FRAS1: variants seen among roughly 807,000 people sequenced by gnomAD.
The protein encoded by FRAS1 is extracellular matrix organizing protein FRAS1.
In FRAS1, 290 loss-of-function variants were observed where a neutral mutation model predicts 435.2. The observed-to-expected ratio is 0.67, with a 90% CI of 0.61 to 0.73. FRAS1 has a LOEUF of 0.73. Ranked by LOEUF, FRAS1 falls within the 30% of genes least tolerant of loss-of-function variation. FRAS1 has a pLI of 0.00. For synonymous variants in FRAS1, 1,800 were observed against 1,851.0 expected, an observed-to-expected ratio of 0.97 and a Z score of 0.71; for missense variants, 4,860 against 5,001.5, an observed-to-expected ratio of 0.97 and a Z score of 0.85.
At chr4:78,498,102 G>T (rs1028508731) in intron 60 of FRAS1, among the ~76,000 whole-genome samples, 1 of 152,214 alleles carries the variant, frequency 6.6e-6, no homozygotes, top group Non-Finnish European at 1.5e-5. Context: ...AGGGACGGGG[G>T]CCTGGGGAAG....
intron 14 of FRAS1, among the ~76,000 whole-genome samples, chr4:78,298,239 G>A (rs77314452): frequency 0.014 from 2,043 of 148,744 alleles, 52 homozygotes; most frequent in African/African-American, 0.047. Flanking sequence ...AAACATAAAT[G>A]TATATTATTA....
chr4:78,471,305 G>A (rs1356784469), intron 51 of FRAS1, among the ~76,000 whole-genome samples: 1 of 152,076 alleles, frequency 6.6e-6, no homozygotes, highest in African/African-American at 2.4e-5. Context: ...TCTCCATGGA[G>A]CTAATTAGTT....
chr4:78,282,993 A>C, intron 12 of FRAS1, 26 bp downstream of exon 12: 1 of 1,413,724 alleles, frequency 7.1e-7, no homozygotes, highest in African/African-American at 1.5e-5. Context: ...CTCTGTTTCT[A>C]CTGAGATAGT....
chr4:78,316,913 CCA>C (rs1332898196), intron 16 of FRAS1, among the ~76,000 whole-genome samples: 1 of 152,082 alleles, frequency 6.6e-6, no homozygotes, highest in Non-Finnish European at 1.5e-5. Flanking sequence ...ACACTCTGAC[CCA>C]TGGCCTTTCC....
intron 1 of FRAS1, among the ~76,000 whole-genome samples, chr4:78,058,411 G>A (rs1201503509): frequency 6.6e-6 from 1 of 152,080 alleles, no homozygotes; most frequent in Non-Finnish European, 1.5e-5. Flanking sequence ...TCCCCGAAGG[G>A]AAAGCAACTG....
chr4:78,428,960 G>GT, intron 35 of FRAS1, 135 bp from the exon 36 acceptor site: 1 of 780,940 alleles, frequency 1.3e-6, no homozygotes, highest in African/African-American at 1.7e-5. Context: ...TTAAAGTAGT[G>GT]CAAAAAAGTT....
chr4:78,248,531 G>C (rs12511360), intron 4 of FRAS1, among the ~76,000 whole-genome samples: 44,144 of 152,022 alleles, frequency 0.29, 7,028 homozygotes, highest in East Asian at 0.38. Flanking sequence ...GAAGGGACAG[G>C]CCTGCTCACT....
chr4:78,088,665 A>G (rs1560514703), intron 2 of FRAS1, among the ~76,000 whole-genome samples: 1 of 152,126 alleles, frequency 6.6e-6, no homozygotes, highest in Non-Finnish European at 1.5e-5. Flanking sequence ...GCAGCCAAAA[A>G]ACACATGAAA....
At chr4:78,302,384 C>T (rs1282527148) in intron 14 of FRAS1, among the ~76,000 whole-genome samples, 2 of 151,066 alleles carry the variant, frequency 1.3e-5, no homozygotes, top group African/African-American at 4.9e-5. Context: ...AATGGGATGG[C>T]TGGGTCAAAT....
intron 2 of FRAS1, among the ~76,000 whole-genome samples, chr4:78,066,643 G>A (rs1502881): frequency 0.25 from 37,530 of 152,024 alleles, 5,010 homozygotes; most frequent in East Asian, 0.35. Context: ...TGAAAAGACT[G>A]TCTACACTCC....
intron 2 of FRAS1, among the ~76,000 whole-genome samples, chr4:78,101,632 T>A (rs569906743): frequency 2.0e-5 from 3 of 152,330 alleles, no homozygotes; most frequent in South Asian, 2.1e-4. Flanking sequence ...CTCAAGGAAC[T>A]GAGAATTTCC....
chr4:78,508,069 A>G (rs146854739), intron 62 of FRAS1, among the ~76,000 whole-genome samples: 1 of 152,322 alleles, frequency 6.6e-6, no homozygotes, highest in African/African-American at 2.4e-5. Context: ...CCTCATATCT[A>G]TCATCCCACA....
intron 29 of FRAS1, among the ~76,000 whole-genome samples, chr4:78,394,052 A>G (rs1023795506): frequency 6.6e-6 from 1 of 151,682 alleles, no homozygotes; most frequent in African/African-American, 2.4e-5. Context: ...CCCCATTTTT[A>G]AATTATTTGA....
At chr4:78,477,712 T>C in intron 54 of FRAS1, 103 bp from the exon 55 acceptor site, 1 of 1,418,414 alleles carries the variant, frequency 7.1e-7, no homozygotes, top group East Asian at 2.4e-5. Flanking sequence ...CAGTCAGTGC[T>C]CTGCCCACTG....
chr4:78,254,421 T>C (rs746743768), intron 5 of FRAS1, among the ~76,000 whole-genome samples: 2 of 152,174 alleles, frequency 1.3e-5, no homozygotes, highest in African/African-American at 2.4e-5. Context: ...TGAAAAAATA[T>C]GCCCAAGAAT....
At chr4:78,176,368 G>T (rs1721777843) in intron 2 of FRAS1, among the ~76,000 whole-genome samples, 1 of 152,118 alleles carries the variant, frequency 6.6e-6, no homozygotes, top group South Asian at 2.1e-4. Context: ...GTGAGTATGA[G>T]GACTCGCAAT....
At chr4:78,236,657 C>G (rs566249259) in intron 2 of FRAS1, among the ~76,000 whole-genome samples, 1 of 152,172 alleles carries the variant, frequency 6.6e-6, no homozygotes, top group South Asian at 2.1e-4. Flanking sequence ...TCTGTGGAAG[C>G]TATGAGATAG....
intron 29 of FRAS1, among the ~76,000 whole-genome samples, chr4:78,396,073 A>G (rs1054879247): frequency 2.0e-5 from 3 of 152,010 alleles, no homozygotes; most frequent in Non-Finnish European, 2.9e-5. Context: ...ATATCTTATA[A>G]TGGTCTATTT....
At chr4:78,058,672 GAA>G in intron 1 of FRAS1, among the ~76,000 whole-genome samples, 1 of 152,118 alleles carries the variant, frequency 6.6e-6, no homozygotes, top group Non-Finnish European at 1.5e-5. Context: ...CTGCTTCCCA[GAA>G]CAAAAGTGGT....
Sources: allele counts gnomAD v4.1 joint callset (sites outside exome capture counted in the v4.1 genomes callset), GRCh38; gene constraint gnomAD v4.1.1; transcripts MANE v1.5; gene names NCBI Gene and HGNC (gene_info 2026-07-23, HGNC 2026-07-21).